Variants in DNAH8 observed in about 807,000 individuals in gnomAD.
DNAH8 encodes dynein axonemal heavy chain 8, also known as axonemal beta dynein heavy chain 8.
Under a neutral mutation model 562.1 loss-of-function variants are expected in DNAH8, and 382 were observed. The ratio of observed to expected loss-of-function variants is 0.68; its 90% CI spans 0.63 to 0.74. The LOEUF (loss-of-function observed/expected upper bound fraction) is 0.74, where lower values mean the gene tolerates loss of function less well. Among genes scored for constraint, DNAH8 ranks in the 30% least tolerant of loss-of-function variants. The pLI is 0.00. For synonymous variants in DNAH8, 1,881 were observed against 1,919.4 expected (o/e 0.98, Z 0.52); for missense variants, 5,203 against 5,620.4 (o/e 0.93, Z 2.37).
At chr6:38,831,398 C>T (rs2150352976) in intron 30 of DNAH8, among the ~76,000 whole-genome samples, 1 of 140,276 alleles carries the variant, frequency 7.1e-6, no homozygotes, top group South Asian at 2.3e-4. Context: ...GCACTCCAGT[C>T]TCCAGCCTGG....
chr6:38,809,606 A>G (rs921156395), intron 24 of DNAH8, among the ~76,000 whole-genome samples: 3 of 152,090 alleles, frequency 2.0e-5, no homozygotes, highest in African/African-American at 7.2e-5. Flanking sequence ...AGAATTATGT[A>G]TTACCTCTTC....
chr6:38,744,729 A>G (rs1036277062), intron 8 of DNAH8, among the ~76,000 whole-genome samples: 3 of 152,124 alleles, frequency 2.0e-5, no homozygotes, highest in African/African-American at 7.2e-5. Flanking sequence ...AGTAGCTGAG[A>G]CTACAGGCAT....
chr6:38,902,672 C>G (rs945444707), intron 62 of DNAH8, among the ~76,000 whole-genome samples: 1 of 152,130 alleles, frequency 6.6e-6, no homozygotes, highest in Non-Finnish European at 1.5e-5. Flanking sequence ...GTCATTGTGT[C>G]TTACCACACT....
At position 38,874,037 on chromosome 6, in the gene DNAH8, C is replaced by T. The variant is rs1015018092; in HGVS notation, c.7620+661C>T. On this transcript the variant is annotated intron_variant, in intron 52 of 92. Coordinates refer to ENST00000327475, the MANE Select transcript of DNAH8 (RefSeq NM_001206927.2). The stretch of plus-strand genomic sequence containing the variant: ...TCCTCTTTCTTTCCCTTTTTCTTTT[C>T]TTTTCTTTCTTTCTTTCTTTCTTTC... Among the ~76,000 whole-genome samples the T allele has an allele frequency of 1.9e-4, 8 of 42,808 alleles. No individual in the cohort carries two copies. The East Asian group carries it at 0.01, about 56-fold the overall frequency. The allele number at this position is 42,808 out of a possible 152,430, so 28.1% of individuals were successfully genotyped here.
In DNAH8 at chr6:38,875,661, A is replaced by G. The variant is rs1306894674; in HGVS notation, c.7691A>G (p.His2564Arg). 6.2e-7 allele frequency: 1 copy of G among 1,613,868 alleles called. No individual in the cohort carries two copies. Among genetic ancestry groups the G allele is most frequent in the South Asian group, 1.1e-5 (1 of 91,058 alleles). Residue 2564 changes from histidine to arginine, a missense_variant, in exon 53 of 93, where the codon CAT becomes CGT. This residue lies in a region of DNAH8 where 977 missense variants were observed against 1,061.8 expected (regional missense o/e 0.92). Transcript: ENST00000327475. ...EGGVSCVEHL[H>R]KLFVFGLMWS... ...GGTGTTTCCTGTGTCGAACATCTTC[A>G]TAAATTATTTGTGTTTGGCCTAATG...
intron 91 of DNAH8, among the ~76,000 whole-genome samples, chr6:39,017,958 A>C (rs1210974797): frequency 6.6e-6 from 1 of 152,156 alleles, no homozygotes; most frequent in Non-Finnish European, 1.5e-5. Context: ...ATTGGAAGGG[A>C]CTTGGGGATA....
At chr6:38,850,142 A>G in intron 37 of DNAH8, 109 bp from the exon 38 acceptor site, 1 of 992,572 alleles carries the variant, frequency 1.0e-6, no homozygotes, top group East Asian at 2.5e-5. Context: ...ATGCAGCCTG[A>G]GACTAATAGA....
intron 79 of DNAH8, among the ~76,000 whole-genome samples, chr6:38,941,016 A>G (rs897117140): frequency 2.6e-5 from 4 of 152,080 alleles, no homozygotes; most frequent in Non-Finnish European, 5.9e-5. Context: ...GCTACTCGGG[A>G]AGCTGAAGCA....
intron 63 of DNAH8, among the ~76,000 whole-genome samples, chr6:38,907,118 C>A (rs1399343257): frequency 6.6e-6 from 1 of 152,148 alleles, no homozygotes; most frequent in African/African-American, 2.4e-5. Context: ...TTTATTGTGG[C>A]AACACAGTAA....
intron 88 of DNAH8, among the ~76,000 whole-genome samples, chr6:38,997,407 G>A (rs1217915627): frequency 1.4e-4 from 21 of 152,192 alleles, no homozygotes; most frequent in Admixed American, 1.4e-3. Context: ...TCCAAGTTCT[G>A]AGTGAAATGA....
chr6:38,884,442 C>T (rs535611497), intron 56 of DNAH8, among the ~76,000 whole-genome samples: 2 of 152,214 alleles, frequency 1.3e-5, no homozygotes, highest in South Asian at 4.2e-4. Flanking sequence ...AACATGTGCC[C>T]GCCACCACGC....
At chr6:38,886,698 G>A in intron 56 of DNAH8, 93 bp from the exon 57 acceptor site, 1 of 1,017,754 alleles carries the variant, frequency 9.8e-7, no homozygotes, top group Non-Finnish European at 1.5e-6. Context: ...AGAGTTTAAT[G>A]TTTTCTTCTA....
chr6:38,758,351 A>T (rs1163851473), intron 10 of DNAH8, among the ~76,000 whole-genome samples: 1 of 151,746 alleles, frequency 6.6e-6, no homozygotes, highest in Non-Finnish European at 1.5e-5. Context: ...GTGTATAAGA[A>T]TGCTTGTGAT....
chr6:39,020,465 T>C (rs995454768), intron 91 of DNAH8, among the ~76,000 whole-genome samples: 10 of 152,208 alleles, frequency 6.6e-5, no homozygotes, highest in African/African-American at 2.2e-4. Flanking sequence ...AACAAGTATA[T>C]CAGAATCTCT....
intron 21 of DNAH8, among the ~76,000 whole-genome samples, chr6:38,800,009 T>C (rs1770630864): frequency 6.6e-6 from 1 of 152,190 alleles, no homozygotes; most frequent in Non-Finnish European, 1.5e-5. Flanking sequence ...AATGCAGTAG[T>C]GTGAATATGG....
At chr6:38,812,470 C>A (rs1771884731) in intron 24 of DNAH8, among the ~76,000 whole-genome samples, 1 of 152,158 alleles carries the variant, frequency 6.6e-6, no homozygotes, top group South Asian at 2.1e-4. Flanking sequence ...TTCTCTTATG[C>A]CCACACACGA....
chr6:39,007,473 T>A (rs1445147150), intron 88 of DNAH8, among the ~76,000 whole-genome samples: 1 of 152,156 alleles, frequency 6.6e-6, no homozygotes, highest in Non-Finnish European at 1.5e-5. Flanking sequence ...AAAACAATAA[T>A]CCTCCAAAAT....
intron 14 of DNAH8, 74 bp downstream of exon 14, chr6:38,778,538 G>A: frequency 1.1e-6 from 1 of 933,166 alleles, no homozygotes; most frequent in South Asian, 1.6e-5. Flanking sequence ...TTTCAAATTA[G>A]GATGTTGTTG....
intron 85 of DNAH8, among the ~76,000 whole-genome samples, chr6:38,977,675 A>G (rs988719480): frequency 1.3e-5 from 2 of 152,026 alleles, no homozygotes; most frequent in African/African-American, 2.4e-5. Flanking sequence ...TTTTCCTCCA[A>G]AGTCTTAGTC....
Sources: allele counts gnomAD v4.1 joint callset (sites outside exome capture counted in the v4.1 genomes callset), GRCh38; gene constraint gnomAD v4.1.1; regional missense constraint gnomAD v4.1.1; transcripts MANE v1.5; gene names NCBI Gene and HGNC (gene_info 2026-07-23, HGNC 2026-07-21).